Variants in ADGRD1 observed in about 807,000 individuals in gnomAD.
ADGRD1 encodes the protein adhesion G protein-coupled receptor D1, also known as G-protein coupled receptor 133.
Under a neutral mutation model 113.4 loss-of-function variants are expected in ADGRD1, and 77 were observed. The ratio of observed to expected loss-of-function variants is 0.68; its 90% CI spans 0.57 to 0.82. The LOEUF (loss-of-function observed/expected upper bound fraction) is 0.82. Ranked by LOEUF, ADGRD1 falls within the 40% of genes least tolerant of loss-of-function variation. The pLI, the probability that ADGRD1 is intolerant of heterozygous loss-of-function variation, is 0.00. For synonymous variants in ADGRD1, 474 were observed against 475.0 expected, an observed-to-expected ratio of 1.00 and a Z score of 0.03; for missense variants, 1,036 against 1,139.1, an observed-to-expected ratio of 0.91 and a Z score of 1.30.
intron 13 of ADGRD1, among the ~76,000 whole-genome samples, chr12:131,043,684 C>T (rs1162867134): frequency 6.6e-6 from 1 of 152,244 alleles, no homozygotes; most frequent in Non-Finnish European, 1.5e-5. Flanking sequence ...TGCGCACGCA[C>T]ACAGGGCCAC....
At chr12:131,018,452 C>T (rs941847120) in intron 13 of ADGRD1, among the ~76,000 whole-genome samples, 3 of 152,090 alleles carry the variant, frequency 2.0e-5, no homozygotes, top group Non-Finnish European at 2.9e-5. Context: ...GGTTTCCCAC[C>T]GAGAGGGTCC....
At chr12:131,068,869 T>C (rs1884932462) in intron 13 of ADGRD1, among the ~76,000 whole-genome samples, 1 of 152,238 alleles carries the variant, frequency 6.6e-6, no homozygotes, top group Non-Finnish European at 1.5e-5. Context: ...TGAAAAGCTG[T>C]AACACTTTTA....
At chr12:131,121,760 C>T (rs533500712) in intron 20 of ADGRD1, among the ~76,000 whole-genome samples, 2 of 152,136 alleles carry the variant, frequency 1.3e-5, no homozygotes, top group South Asian at 4.2e-4. Context: ...GCCCAGGGCT[C>T]CTGCACCTGC....
intron 3 of ADGRD1, chr12:130,969,970 A>C (rs1406276285): frequency 6.6e-6 from 1 of 152,238 alleles, no homozygotes; most frequent in African/African-American, 2.4e-5. Flanking sequence ...TTTAATGGAA[A>C]ATTAAAGTTA....
intron 5 of ADGRD1, among the ~76,000 whole-genome samples, chr12:130,985,101 G>GTTTT (rs34234061): frequency 7.0e-6 from 1 of 143,300 alleles, no homozygotes; most frequent in Non-Finnish European, 1.5e-5. Flanking sequence ...TGTCTCACTA[G>GTTTT]TTTTTTTTTT....
intron 13 of ADGRD1, among the ~76,000 whole-genome samples, chr12:131,071,656 G>A (rs1241846131): frequency 4.6e-5 from 7 of 152,236 alleles, no homozygotes; most frequent in African/African-American, 1.2e-4. Flanking sequence ...AGGGCAACTT[G>A]TGCACGCACT....
chr12:130,981,503 A>AGATCTCGGT, intron 4 of ADGRD1: 1 of 163,020 alleles, frequency 6.1e-6, no homozygotes, highest in Non-Finnish European at 1.3e-5. Flanking sequence ...TGGAGGGTGT[A>AGATCTCGGT]GGTCTTCACA....
Position 131,084,722 on chromosome 12 carries a change from G to A in ADGRD1, c.1671+59G>A, listed in dbSNP as rs1306545667. 3 of 1,583,748 alleles carry A rather than the reference G, an allele frequency of 1.9e-6. No individual in the cohort carries two copies. In the East Asian group the frequency reaches 6.9e-5, roughly 36 times the overall value. On this transcript the variant is annotated intron_variant, in intron 15 of 24. Coordinates refer to ENST00000261654, the MANE Select transcript of ADGRD1 (RefSeq NM_198827.5). The surrounding 1 kb of genome is among the most constrained non-coding windows in gnomAD (Gnocchi z 4.5). ...GGGGACGTACCATGAGGCTGCAGGTGGGGGCGGGAGGATGCTTTGCCCGCC... is the reference window on the plus strand; with the variant it reads ...GGGGACGTACCATGAGGCTGCAGGTAGGGGCGGGAGGATGCTTTGCCCGCC...
At position 130,954,407 on chromosome 12, in the gene ADGRD1, C is replaced by T. The variant is rs1469344344; in HGVS notation, c.-59C>T. The T allele has an allele frequency of 5.0e-6, 7 of 1,407,708 alleles. No homozygotes were observed. Among genetic ancestry groups the T allele is most frequent in the South Asian group, 1.4e-5 (1 of 72,306 alleles). 87.2% of individuals were successfully genotyped at this position (1,407,708 alleles called of 1,614,324 possible). ...CAAGGAAGTGAAGGTTAAGAGGTCC[C>T]GTTCTCACAGACCCTCAGGAATTTC... On this transcript the variant is annotated 5_prime_UTR_variant, in exon 1 of 25. Transcript: ENST00000261654. This position sits in a 1 kb window ranked among gnomAD's most constrained non-coding sequence, Gnocchi z 4.7.
chr12:131,012,339 A>G (rs951848799), intron 12 of ADGRD1, among the ~76,000 whole-genome samples: 1 of 146,122 alleles, frequency 6.8e-6, no homozygotes, highest in South Asian at 2.1e-4. Flanking sequence ...TTGGGCTTGG[A>G]TCAATAACAT....
chr12:131,094,832 G>A (rs1349546503), intron 15 of ADGRD1, among the ~76,000 whole-genome samples: 2 of 152,308 alleles, frequency 1.3e-5, no homozygotes, highest in Non-Finnish European at 1.5e-5. Flanking sequence ...TTCCCGCCCC[G>A]CCTTACAGAT....
At chr12:131,049,882 C>T (rs1270526400) in intron 13 of ADGRD1, among the ~76,000 whole-genome samples, 2 of 152,166 alleles carry the variant, frequency 1.3e-5, no homozygotes, top group Non-Finnish European at 2.9e-5. Context: ...AGGTCTCTGG[C>T]TGGAGAGGGC....
At chr12:131,070,941 C>T (rs1885116121) in intron 13 of ADGRD1, 1 of 518,882 alleles carries the variant, frequency 1.9e-6, no homozygotes. Flanking sequence ...TCAGAGTGGG[C>T]CTGAGAAGGG....
intron 14 of ADGRD1, among the ~76,000 whole-genome samples, chr12:131,083,836 C>G (rs1238658103): frequency 6.6e-6 from 1 of 151,060 alleles, no homozygotes. Context: ...ACCTTTACGT[C>G]TCATCCTGAT....
At chr12:130,993,285 A>G (rs1444823571) in intron 8 of ADGRD1, among the ~76,000 whole-genome samples, 1 of 151,988 alleles carries the variant, frequency 6.6e-6, no homozygotes, top group Non-Finnish European at 1.5e-5. Context: ...ATGCAGAGCC[A>G]TGTGTTCAGG....
intron 5 of ADGRD1, among the ~76,000 whole-genome samples, chr12:130,983,658 C>T (rs1873283941): frequency 1.3e-5 from 2 of 152,184 alleles, no homozygotes; most frequent in South Asian, 4.1e-4. Flanking sequence ...GTTATTCTTA[C>T]TTTCAAACTC....
At chr12:131,129,271 C>T (rs192259459) in intron 20 of ADGRD1, among the ~76,000 whole-genome samples, 3,164 of 112,676 alleles carry the variant, frequency 0.028, 145 homozygotes, top group African/African-American at 0.076. Context: ...AGTGACAGGC[C>T]GGCCCTCCTG....
At chr12:131,005,357 G>A (rs189998094) in intron 11 of ADGRD1, among the ~76,000 whole-genome samples, 2 of 152,212 alleles carry the variant, frequency 1.3e-5, no homozygotes, top group African/African-American at 2.4e-5. Context: ...GGAGTGCCCT[G>A]ATTTCCAATC....
intron 13 of ADGRD1, among the ~76,000 whole-genome samples, chr12:131,028,924 T>C (rs1161542158): frequency 6.6e-6 from 1 of 152,226 alleles, no homozygotes; most frequent in African/African-American, 2.4e-5. Context: ...ATGCGCGTCG[T>C]GAAACTGCCC....
Sources: gnomAD v4.1 joint callset for allele counts (sites outside exome capture counted in the v4.1 genomes callset) on GRCh38, gnomAD v4.1.1 for gene constraint, Gnocchi (gnomAD v3.1) non-coding constraint, MANE v1.5 for transcripts, NCBI Gene and HGNC (gene_info 2026-07-23, HGNC 2026-07-21) for gene names.